Variants in RIMS2 observed in about 807,000 individuals in gnomAD.
RIMS2 encodes the protein regulating synaptic membrane exocytosis 2.
In RIMS2, 59 loss-of-function variants were observed where a neutral mutation model predicts 174.4. That is an observed-to-expected ratio of 0.34 (90% CI 0.27 to 0.42). The LOEUF (loss-of-function observed/expected upper bound fraction) is 0.42, where lower values mean the gene tolerates loss of function less well. Among genes scored for constraint, RIMS2 ranks in the 10% least tolerant of loss-of-function variants. The pLI is 1.00. For missense variants in RIMS2, 1,620 were observed against 1,666.3 expected (o/e 0.97, Z 0.48); for synonymous variants, 606 against 572.5 (o/e 1.06, Z -0.84).
At chr8:103,918,480 G>A (rs763688075) in exon 9 of RIMS2, 2 of 1,602,690 alleles carry the variant, frequency 1.2e-6, no homozygotes, top group South Asian at 2.2e-5. Context: ...ATGCACAACT[G>A]GAGTCCAGTA....
chr8:104,054,279 G>A (rs952258603), intron 19 of RIMS2, among the ~76,000 whole-genome samples: 5 of 151,988 alleles, frequency 3.3e-5, no homozygotes, highest in Non-Finnish European at 7.4e-5. Context: ...GAATTCTAAG[G>A]TAATGTTACA....
At chr8:103,967,854 T>C (rs2092306312) in intron 15 of RIMS2, among the ~76,000 whole-genome samples, 1 of 139,688 alleles carries the variant, frequency 7.2e-6, no homozygotes, top group African/African-American at 2.8e-5. Context: ...ACTCCTGCTT[T>C]TTTTTTTTTT....
At chr8:104,226,254 C>A (rs903698976) in intron 19 of RIMS2, among the ~76,000 whole-genome samples, 2 of 152,194 alleles carry the variant, frequency 1.3e-5, no homozygotes, top group African/African-American at 4.8e-5. Flanking sequence ...ATTAACCAAT[C>A]AGTTCAGTAA....
chr8:103,889,198 T>G (rs1272658542), intron 4 of RIMS2, among the ~76,000 whole-genome samples: 1 of 151,770 alleles, frequency 6.6e-6, no homozygotes, highest in Non-Finnish European at 1.5e-5. Flanking sequence ...TGTTAGAAAA[T>G]TCTTCCTAAT....
chr8:104,125,192 A>G (rs2098418690), intron 19 of RIMS2, among the ~76,000 whole-genome samples: 1 of 152,164 alleles, frequency 6.6e-6, no homozygotes, highest in African/African-American at 2.4e-5. Flanking sequence ...TTGTAGCTGA[A>G]TAGAAAGTAA....
chr8:103,702,852 GT>G (rs59947900), intron 2 of RIMS2, among the ~76,000 whole-genome samples: 18,146 of 117,232 alleles, frequency 0.15, 2,053 homozygotes, highest in African/African-American at 0.4. Context: ...TCCTCCAGCT[GT>G]TTTTTTTTTT....
chr8:103,691,226 C>T (rs988703434), intron 1 of RIMS2, among the ~76,000 whole-genome samples: 1 of 152,096 alleles, frequency 6.6e-6, no homozygotes. Flanking sequence ...ATATTGATAT[C>T]TTTCTTTAGG....
At chr8:103,599,890 C>G (rs1231934204) in intron 1 of RIMS2, among the ~76,000 whole-genome samples, 1 of 152,114 alleles carries the variant, frequency 6.6e-6, no homozygotes, top group African/African-American at 2.4e-5. Context: ...CTTTGTGTTA[C>G]AAACCATCCA....
intron 1 of RIMS2, among the ~76,000 whole-genome samples, chr8:103,503,013 C>A (rs531122665): frequency 6.6e-6 from 1 of 151,866 alleles, no homozygotes; most frequent in South Asian, 2.1e-4. Context: ...ACATACTATT[C>A]AATACATATA....
intron 16 of RIMS2, among the ~76,000 whole-genome samples, chr8:103,984,005 C>G (rs2094145104): frequency 6.6e-6 from 1 of 151,930 alleles, no homozygotes; most frequent in Non-Finnish European, 1.5e-5. Flanking sequence ...AACCCCGTCT[C>G]TACTAAAAAT....
chr8:103,550,033 A>G (rs1846985667), intron 1 of RIMS2, among the ~76,000 whole-genome samples: 1 of 152,198 alleles, frequency 6.6e-6, no homozygotes, highest in Admixed American at 6.5e-5. Context: ...CACTGTCAAC[A>G]TTAGACAGAT....
At chr8:103,607,537 A>AAC (rs1227973325) in intron 1 of RIMS2, among the ~76,000 whole-genome samples, 1 of 149,500 alleles carries the variant, frequency 6.7e-6, no homozygotes, top group Non-Finnish European at 1.5e-5. Flanking sequence ...CCTGAATCTG[A>AAC]ACGTTGGCCT....
At chr8:103,608,468 AG>A (rs954994024) in intron 1 of RIMS2, among the ~76,000 whole-genome samples, 1 of 144,306 alleles carries the variant, frequency 6.9e-6, no homozygotes, top group Non-Finnish European at 1.5e-5. Flanking sequence ...CTGCCCCCAG[AG>A]GTGGAGCCTA....
At chr8:104,182,605 A>G (rs117982174) in intron 19 of RIMS2, among the ~76,000 whole-genome samples, 4 of 151,632 alleles carry the variant, frequency 2.6e-5, no homozygotes, top group Non-Finnish European at 5.9e-5. Context: ...AGCTTTCCCT[A>G]TTCTGGGCTT....
intron 3 of RIMS2, among the ~76,000 whole-genome samples, chr8:103,779,699 A>G (rs2098363333): frequency 7.0e-6 from 1 of 143,084 alleles, no homozygotes; most frequent in Non-Finnish European, 1.5e-5. Flanking sequence ...TGGGAATTGA[A>G]CAATGAGAAC....
chr8:103,702,466 T>C (rs1408841660), intron 2 of RIMS2, among the ~76,000 whole-genome samples: 14 of 152,118 alleles, frequency 9.2e-5, no homozygotes, highest in Admixed American at 5.2e-4. Context: ...TATTTGCTTT[T>C]GTTGTCTGTT....
intron 17 of RIMS2, among the ~76,000 whole-genome samples, chr8:103,999,103 G>A (rs1052184805): frequency 1.3e-5 from 2 of 151,672 alleles, no homozygotes; most frequent in Admixed American, 6.6e-5. Context: ...TATAAATTAG[G>A]AATTATGTGC....
chr8:103,546,325 G>A (rs1450651652), intron 1 of RIMS2, among the ~76,000 whole-genome samples: 1 of 152,156 alleles, frequency 6.6e-6, no homozygotes, highest in Non-Finnish European at 1.5e-5. Flanking sequence ...TCAGCAACAA[G>A]AGTTAACTAT....
chr8:103,689,815 A>G (rs1788352490), intron 1 of RIMS2, among the ~76,000 whole-genome samples: 1 of 152,208 alleles, frequency 6.6e-6, no homozygotes, highest in Admixed American at 6.5e-5. Context: ...TATCTTGAAT[A>G]GAAAGATTCC....
Sources: gnomAD v4.1 joint callset for allele counts (sites outside exome capture counted in the v4.1 genomes callset) on GRCh38, gnomAD v4.1.1 for gene constraint, MANE v1.5 for transcripts, NCBI Gene and HGNC (gene_info 2026-07-23, HGNC 2026-07-21) for gene names.